TBC1D5: variants seen among roughly 807,000 people sequenced by gnomAD.
TBC1D5 encodes the protein TBC1 domain family member 5.
Under a neutral mutation model 100.3 loss-of-function variants are expected in TBC1D5, and 75 were observed. The ratio of observed to expected loss-of-function variants is 0.75; its 90% CI spans 0.62 to 0.91. The LOEUF (loss-of-function observed/expected upper bound fraction) is 0.91. Ranked by LOEUF, TBC1D5 falls within the 40% of genes least tolerant of loss-of-function variation. The pLI is 0.00. For synonymous variants in TBC1D5, 323 were observed against 325.6 expected, an observed-to-expected ratio of 0.99 and a Z score of 0.09; for missense variants, 910 against 942.4, an observed-to-expected ratio of 0.97 and a Z score of 0.45.
intron 13 of TBC1D5, among the ~76,000 whole-genome samples, chr3:17,348,467 C>G (rs2090174735): frequency 6.6e-6 from 1 of 152,170 alleles, no homozygotes; most frequent in African/African-American, 2.4e-5. Context: ...TGTTGCTGGT[C>G]CTCGCACTAC....
rs573286109 is a variant in TBC1D5, at chr3:17,386,409, TA to T, written c.510-2395del. Among the ~76,000 whole-genome samples, 315 of 152,228 alleles carry T rather than the reference TA, an allele frequency of 2.1e-3. 2 individuals carry two copies. Among genetic ancestry groups the T allele is most frequent in the African/African-American group, 7.1e-3 (293 of 41,552 alleles). ...CATAAACTATAAATAATTTAATACC[TA>T]AAAACTAAAAATGTAAAGTATACCT... On this transcript the variant is annotated intron_variant, in intron 8 of 21. Coordinates refer to ENST00000253692, the Ensembl canonical transcript of TBC1D5.
intron 8 of TBC1D5, among the ~76,000 whole-genome samples, chr3:17,387,563 G>T (rs527378941): frequency 6.6e-6 from 1 of 152,018 alleles, no homozygotes; most frequent in Admixed American, 6.6e-5. Context: ...AAAGTACAGT[G>T]AGTAGCATTT....
At chr3:17,320,072 T>C (rs2150908750) in intron 13 of TBC1D5, among the ~76,000 whole-genome samples, 1 of 152,318 alleles carries the variant, frequency 6.6e-6, no homozygotes, top group South Asian at 2.1e-4. Flanking sequence ...TCCTTTGTTA[T>C]TATATGTGAT....
Position 17,485,661 on chromosome 3 carries a change from G to A in TBC1D5, c.97+22813C>T, listed in dbSNP as rs2095556130. ...CCAATTTCATCCCTGTCCCTACAAAGGATATGAACTCATCATTTTTTATGG... is the reference window on the plus strand; with the variant it reads ...CCAATTTCATCCCTGTCCCTACAAAAGATATGAACTCATCATTTTTTATGG... On this transcript the variant is annotated intron_variant, in intron 3 of 21. Coordinates refer to ENST00000253692, the Ensembl canonical transcript of TBC1D5. 2.6e-5 allele frequency among the ~76,000 whole-genome samples: 4 copies of A among 152,062 alleles called. No individual in the cohort carries two copies. The South Asian group carries it at 8.3e-4, about 32-fold the overall frequency.
intron 3 of TBC1D5, among the ~76,000 whole-genome samples, chr3:17,450,765 T>C (rs1397479727): frequency 6.6e-6 from 1 of 152,198 alleles, no homozygotes; most frequent in Non-Finnish European, 1.5e-5. Context: ...TTGATTGGTA[T>C]ACCTGAAAGT....
chr3:17,637,439 A>T (rs971719979), intron 1 of TBC1D5, among the ~76,000 whole-genome samples: 3 of 151,666 alleles, frequency 2.0e-5, no homozygotes, highest in Non-Finnish European at 4.4e-5. Flanking sequence ...ACTATGCAAA[A>T]ATTTAAAACT....
At chr3:17,405,801 T>C (rs1005306200) in intron 5 of TBC1D5, among the ~76,000 whole-genome samples, 7 of 152,112 alleles carry the variant, frequency 4.6e-5, no homozygotes, top group Admixed American at 2.6e-4. Flanking sequence ...AAACTTATGA[T>C]AGAATTCATT....
chr3:17,473,983 G>C (rs1447782251), intron 3 of TBC1D5, among the ~76,000 whole-genome samples: 2 of 152,014 alleles, frequency 1.3e-5, no homozygotes, highest in Non-Finnish European at 2.9e-5. Context: ...CCACAAGGGG[G>C]AGGATGAGGA....
chr3:17,185,965 C>CTT (rs199872710), intron 18 of TBC1D5, among the ~76,000 whole-genome samples: 23 of 125,832 alleles, frequency 1.8e-4, no homozygotes, highest in Middle Eastern at 4.1e-3. Flanking sequence ...TTTTTCTTTT[C>CTT]TTTTTTTTTT....
At chr3:17,316,405 A>AT (rs2084704663) in intron 13 of TBC1D5, among the ~76,000 whole-genome samples, 2 of 152,184 alleles carry the variant, frequency 1.3e-5, no homozygotes, top group Admixed American at 1.3e-4. Context: ...AATCAAGCGT[A>AT]TGAGCCCTCT....
At chr3:17,566,743 C>G (rs956922553) in intron 2 of TBC1D5, among the ~76,000 whole-genome samples, 1 of 151,694 alleles carries the variant, frequency 6.6e-6, no homozygotes, top group African/African-American at 2.4e-5. Context: ...AAAATTTATT[C>G]CTTTTAGAAA....
intron 1 of TBC1D5, among the ~76,000 whole-genome samples, chr3:17,686,922 G>A (rs1383836408): frequency 2.0e-5 from 3 of 152,068 alleles, no homozygotes; most frequent in Non-Finnish European, 2.9e-5. Context: ...TAGTAGTGAT[G>A]AGGGTAGGAA....
chr3:17,579,105 T>C (rs1400872116), intron 2 of TBC1D5, among the ~76,000 whole-genome samples: 3 of 152,050 alleles, frequency 2.0e-5, no homozygotes, highest in South Asian at 2.1e-4. Flanking sequence ...GAAATCTTAT[T>C]CTGTCTCATT....
intron 2 of TBC1D5, among the ~76,000 whole-genome samples, chr3:17,540,049 G>A (rs949945790): frequency 6.6e-6 from 1 of 152,132 alleles, no homozygotes; most frequent in Non-Finnish European, 1.5e-5. Context: ...TGGGTGTAAG[G>A]TGGTATTTCA....
At chr3:17,392,222 TA>T (rs1417360277) in intron 8 of TBC1D5, among the ~76,000 whole-genome samples, 4 of 152,068 alleles carry the variant, frequency 2.6e-5, no homozygotes, top group African/African-American at 4.8e-5. Context: ...TTTTATTATT[TA>T]TTTTTTTAGT....
intron 15 of TBC1D5, among the ~76,000 whole-genome samples, chr3:17,276,136 G>C (rs1359722773): frequency 6.6e-6 from 1 of 151,702 alleles, no homozygotes; most frequent in East Asian, 1.9e-4. Flanking sequence ...GATAAAGGTG[G>C]CAGCAGAGCT....
intron 1 of TBC1D5, among the ~76,000 whole-genome samples, chr3:17,712,585 A>C (rs764778583): frequency 6.6e-6 from 1 of 152,192 alleles, no homozygotes. Flanking sequence ...CCAGTTTAAC[A>C]TACAGTCCTA....
chr3:17,524,265 G>C (rs930553763), intron 2 of TBC1D5, among the ~76,000 whole-genome samples: 1 of 152,118 alleles, frequency 6.6e-6, no homozygotes, highest in East Asian at 1.9e-4. Context: ...AAATAAAAAA[G>C]GTAGATAATA....
chr3:17,362,288 CA>C, intron 13 of TBC1D5, among the ~76,000 whole-genome samples: 1 of 151,994 alleles, frequency 6.6e-6, no homozygotes, highest in East Asian at 1.9e-4. Context: ...TAGGTTTCAA[CA>C]AAATTAAGTG....
Sources: allele counts gnomAD v4.1 joint callset (sites outside exome capture counted in the v4.1 genomes callset), GRCh38; gene constraint gnomAD v4.1.1; transcripts MANE v1.5; gene names NCBI Gene and HGNC (gene_info 2026-07-23, HGNC 2026-07-21).